The following NCKAP5 variants were observed in gnomAD, a reference collection of about 807,000 sequenced individuals.
NCKAP5 encodes the protein nck-associated protein 5.
Under a neutral mutation model 167.0 loss-of-function variants are expected in NCKAP5, and 92 were observed. The ratio of observed to expected loss-of-function variants is 0.55; its 90% CI spans 0.47 to 0.66. The LOEUF (loss-of-function observed/expected upper bound fraction) is 0.66, where lower values mean the gene tolerates loss of function less well. NCKAP5 is among the 30% of genes least tolerant of loss of function. The pLI is 0.00. For synonymous variants in NCKAP5, 891 were observed against 877.4 expected (o/e 1.02, Z -0.27); for missense variants, 2,378 against 2,315.0 (o/e 1.03, Z -0.56).
chr2:132,833,243 T>A (rs1687645923), intron 11 of NCKAP5, among the ~76,000 whole-genome samples: 1 of 152,232 alleles, frequency 6.6e-6, no homozygotes, highest in Non-Finnish European at 1.5e-5. Flanking sequence ...CTGAATTGTT[T>A]GAGTTTCTTG....
chr2:132,946,568 G>A (rs1240260801), intron 8 of NCKAP5, among the ~76,000 whole-genome samples: 1 of 152,108 alleles, frequency 6.6e-6, no homozygotes, highest in African/African-American at 2.4e-5. Context: ...CAAAAAAAGT[G>A]AACTCCACTT....
At chr2:133,335,629 T>C (rs1261816498) in intron 3 of NCKAP5, among the ~76,000 whole-genome samples, 1 of 152,206 alleles carries the variant, frequency 6.6e-6, no homozygotes, top group Non-Finnish European at 1.5e-5. Flanking sequence ...CCTGATGATA[T>C]ATTGATTGTA....
chr2:133,130,096 G>GTATCAGC lies in NCKAP5; in HGVS notation c.216_222dup (p.His75AlafsTer4). On this transcript the variant is annotated frameshift_variant, in exon 6 of 20. Coordinates refer to ENST00000409261, the MANE Select transcript of NCKAP5 (RefSeq NM_207363.3). LOFTEE classifies it high-confidence loss of function. ...AAGTGTCTCTCCTCTTCCAGTTCAT[G>GTATCAGC]TATCAGCTTCTCATGCTATAAAAGA... 1 of 1,609,634 alleles carries GTATCAGC rather than the reference G, an allele frequency of 6.2e-7. No homozygotes were observed.
chr2:132,906,857 G>C (rs1694045789), intron 8 of NCKAP5, among the ~76,000 whole-genome samples: 1 of 152,138 alleles, frequency 6.6e-6, no homozygotes, highest in African/African-American at 2.4e-5. Context: ...CAGGAGTTTG[G>C]GGGTCAAAAC....
At chr2:133,277,200 T>C (rs2089764853) in intron 4 of NCKAP5, among the ~76,000 whole-genome samples, 1 of 152,084 alleles carries the variant, frequency 6.6e-6, no homozygotes, top group Non-Finnish European at 1.5e-5. Flanking sequence ...GCAAGATAAA[T>C]CAAATGGAGG....
At chr2:133,490,293 C>T (rs375623358) in intron 3 of NCKAP5, among the ~76,000 whole-genome samples, 25 of 152,254 alleles carry the variant, frequency 1.6e-4, no homozygotes, top group South Asian at 1.2e-3. Context: ...AGAGTAGTTA[C>T]GGCGATGCTA....
At position 132,710,599 on chromosome 2, in the gene NCKAP5, A is replaced by G. The variant is rs188805898; in HGVS notation, c.5713+15028T>C. 2.6e-4 allele frequency among the ~76,000 whole-genome samples: 40 copies of G among 152,288 alleles called. 1 individual carries two copies. The highest frequency in any genetic ancestry group is 3.4e-3 in the Middle Eastern group (1 of 294). ...AGCAGTCAATTTAAAGAAGCGGGGG[A>G]AAAAGGGAAAGTATAATTTGACATA... On this transcript the variant is annotated intron_variant, in intron 19 of 19. Transcript: ENST00000409261.
At chr2:132,687,279 T>A (rs185296632) in intron 19 of NCKAP5, among the ~76,000 whole-genome samples, 10 of 152,140 alleles carry the variant, frequency 6.6e-5, no homozygotes, top group South Asian at 2.1e-4. Context: ...GCCTGTGCAA[T>A]TGTATTGCAC....
chr2:133,449,114 T>G (rs1397855947), intron 3 of NCKAP5, among the ~76,000 whole-genome samples: 1 of 152,226 alleles, frequency 6.6e-6, no homozygotes, highest in African/African-American at 2.4e-5. Context: ...AAATAATTTC[T>G]CCCCTACCCA....
chr2:133,421,497 G>T (rs1376285193), intron 3 of NCKAP5, among the ~76,000 whole-genome samples: 1 of 152,194 alleles, frequency 6.6e-6, no homozygotes, highest in African/African-American at 2.4e-5. Flanking sequence ...GAGGAGAAGG[G>T]AGAGAGATTC....
chr2:133,362,658 A>C (rs1685189330), intron 3 of NCKAP5, among the ~76,000 whole-genome samples: 1 of 152,190 alleles, frequency 6.6e-6, no homozygotes, highest in South Asian at 2.1e-4. Context: ...TCCTAAGATA[A>C]ACTCCCATTC....
chr2:133,317,806 G>T (rs1681724610), intron 3 of NCKAP5, among the ~76,000 whole-genome samples: 3 of 152,178 alleles, frequency 2.0e-5, no homozygotes, highest in South Asian at 4.1e-4. Flanking sequence ...GGTATAATGG[G>T]TATAGGTGCA....
intron 5 of NCKAP5, among the ~76,000 whole-genome samples, chr2:133,193,938 A>C (rs947217470): frequency 6.6e-6 from 1 of 152,270 alleles, no homozygotes; most frequent in Non-Finnish European, 1.5e-5. Context: ...CTACAAACAA[A>C]TTGGATCAGC....
At chr2:132,817,594 C>T (rs2105301200) in intron 11 of NCKAP5, among the ~76,000 whole-genome samples, 2 of 152,318 alleles carry the variant, frequency 1.3e-5, no homozygotes, top group South Asian at 4.1e-4. Context: ...AAGAGCAACT[C>T]ACAATTCTCC....
At chr2:132,831,374 T>C (rs1037033836) in intron 11 of NCKAP5, among the ~76,000 whole-genome samples, 3 of 152,196 alleles carry the variant, frequency 2.0e-5, no homozygotes, top group Admixed American at 6.5e-5. Flanking sequence ...AGAGCCAAAT[T>C]ACCTTTCAAC....
At chr2:132,704,313 C>G (rs1008317967) in intron 19 of NCKAP5, among the ~76,000 whole-genome samples, 1 of 152,180 alleles carries the variant, frequency 6.6e-6, no homozygotes, top group Non-Finnish European at 1.5e-5. Context: ...AGACTGCCAC[C>G]TGCCTCCCCT....
chr2:133,647,830 A>C, the NCKAP5 span, among the ~76,000 whole-genome samples: 1 of 152,038 alleles, frequency 6.6e-6, no homozygotes, highest in African/African-American at 2.4e-5. Flanking sequence ...AGGGCAGGGC[A>C]GGGCAGGGCA....
chr2:133,588,521 C>T, the NCKAP5 span, among the ~76,000 whole-genome samples: 1 of 151,520 alleles, frequency 6.6e-6, no homozygotes, highest in African/African-American at 2.4e-5. Flanking sequence ...CTCCCTGCCT[C>T]ATTTCCTTTT....
At chr2:132,799,351 G>A (rs911998729) in intron 11 of NCKAP5, among the ~76,000 whole-genome samples, 3 of 151,988 alleles carry the variant, frequency 2.0e-5, no homozygotes, top group African/African-American at 7.3e-5. Context: ...AGCATCATGC[G>A]ATATACCCAC....
Sources: gnomAD v4.1 joint callset for allele counts (sites outside exome capture counted in the v4.1 genomes callset) on GRCh38, gnomAD v4.1.1 for gene constraint, MANE v1.5 for transcripts, NCBI Gene and HGNC (gene_info 2026-07-23, HGNC 2026-07-21) for gene names.